The following RNF19A variants were observed in gnomAD, a reference collection of about 807,000 sequenced individuals.
The protein encoded by RNF19A is E3 ubiquitin-protein ligase RNF19A.
Under a neutral mutation model 75.7 loss-of-function variants are expected in RNF19A, and 32 were observed. The ratio of observed to expected loss-of-function variants is 0.42; its 90% CI spans 0.32 to 0.57. The LOEUF (loss-of-function observed/expected upper bound fraction) is 0.57, where lower values mean the gene tolerates loss of function less well. Ranked by LOEUF, RNF19A falls within the 20% of genes least tolerant of loss-of-function variation. The pLI is 0.10. For missense variants in RNF19A, 782 were observed against 1,036.3 expected, an observed-to-expected ratio of 0.75 and a Z score of 3.37; for synonymous variants, 335 against 345.2, an observed-to-expected ratio of 0.97 and a Z score of 0.33.
At chr8:100,305,256 G>A (rs866004209) in intron 1 of RNF19A, among the ~76,000 whole-genome samples, 6 of 152,144 alleles carry the variant, frequency 3.9e-5, no homozygotes, top group Non-Finnish European at 7.4e-5. Flanking sequence ...CATTTTGTGC[G>A]GAGATGTAAA....
At position 100,288,283 on chromosome 8, in the gene RNF19A, TAAA is replaced by T. The variant is rs769819408; in HGVS notation, c.-93-19_-93-17del. 37 of 1,315,036 alleles carry T rather than the reference TAAA, an allele frequency of 2.8e-5. No individual in the cohort carries two copies. The African/African-American group carries it at 5.2e-4, about 19-fold the overall frequency. The allele number at this position is 1,315,036 out of a possible 1,614,324, so 81.5% of individuals were successfully genotyped here. ...CATGGATGTTCTGAAAAATAAAAAATAAAAAAATCAAGATCATTTAATTGTATT... is the reference window on the plus strand; with the variant it reads ...CATGGATGTTCTGAAAAATAAAAAATAAAATCAAGATCATTTAATTGTATT... On this transcript the variant is annotated splice_polypyrimidine_tract_variant and intron_variant, in intron 1 of 9. Transcript: ENST00000341084.
intron 1 of RNF19A, chr8:100,309,572 G>C: frequency 3.1e-6 from 3 of 978,498 alleles, no homozygotes; most frequent in Non-Finnish European, 3.6e-6. Context: ...CAGGAGGACA[G>C]GGCTTGGGGC....
At chr8:100,273,000 G>A (rs1406837681) in intron 3 of RNF19A, among the ~76,000 whole-genome samples, 1 of 151,456 alleles carries the variant, frequency 6.6e-6, no homozygotes, top group Admixed American at 6.6e-5. Flanking sequence ...TGGCTTGCTG[G>A]GACCAGAGAT....
Position 100,264,187 on chromosome 8 carries a change from C to A in RNF19A, c.1315G>T (p.Val439Phe). 1 of 1,607,450 alleles carries A rather than the reference C, an allele frequency of 6.2e-7. No individual in the cohort carries two copies. Among genetic ancestry groups the A allele is most frequent in the Non-Finnish European group, 8.5e-7 (1 of 1,176,738 alleles). Residue 439 changes from valine (V) to phenylalanine (F), a missense_variant, in exon 7 of 10, where the codon GTT (valine) becomes TTT (phenylalanine). Val to Phe is a conservative substitution (Grantham distance 50). This residue lies in a region of RNF19A where 442 missense variants were observed against 541.6 expected (regional missense o/e 0.82). Transcript: ENST00000341084. This position sits in a 1 kb window ranked among gnomAD's most constrained non-coding sequence, Gnocchi z 4.7. ...VVAAVTVGIG[V>F]PIMLAYVYGV... Reference sequence around the variant, plus strand: ...TAGACATAAGCTAACATAATAGGAACACCGATACCTAAAGAGAAATTAAAT... The same window carrying A: ...TAGACATAAGCTAACATAATAGGAAAACCGATACCTAAAGAGAAATTAAAT...
chr8:100,310,301 A>C (rs1302218286), upstream of RNF19A: 3 of 957,874 alleles, frequency 3.1e-6, no homozygotes, highest in Non-Finnish European at 3.7e-6. Flanking sequence ...GCCCCGCTGC[A>C]CCCGGGTGGC....
intron 2 of RNF19A, among the ~76,000 whole-genome samples, chr8:100,281,104 T>G (rs1820763021): frequency 6.6e-6 from 1 of 152,206 alleles, no homozygotes; most frequent in Non-Finnish European, 1.5e-5. Context: ...CATTATTTAA[T>G]TCAAGCCTTA....
intron 1 of RNF19A, among the ~76,000 whole-genome samples, chr8:100,294,558 T>G (rs1821459815): frequency 6.6e-6 from 1 of 152,128 alleles, no homozygotes; most frequent in Admixed American, 6.6e-5. Flanking sequence ...CTGCGATTTA[T>G]CCTATTTCTG....
chr8:100,289,044 T>G (rs1329685302), intron 1 of RNF19A, among the ~76,000 whole-genome samples: 2 of 131,982 alleles, frequency 1.5e-5, no homozygotes, highest in Admixed American at 8.3e-5. Flanking sequence ...TGAGCAACAG[T>G]GCGAGACTCC....
At chr8:100,297,503 A>G (rs575737386) in intron 1 of RNF19A, among the ~76,000 whole-genome samples, 3 of 152,338 alleles carry the variant, frequency 2.0e-5, no homozygotes, top group Admixed American at 6.5e-5. Flanking sequence ...GTGTGGCCAC[A>G]TTATTAGTCC....
chr8:100,314,219 T>C (rs551050841), upstream of RNF19A, among the ~76,000 whole-genome samples: 1 of 152,030 alleles, frequency 6.6e-6, no homozygotes, highest in Non-Finnish European at 1.5e-5. This position sits in a 1 kb window ranked among gnomAD's most constrained non-coding sequence, Gnocchi z 4.1. Flanking sequence ...ATATATACTA[T>C]ATATAGTACA....
In RNF19A at chr8:100,264,414, GAT is replaced by G. The variant is rs1819873332; in HGVS notation, c.1307-221_1307-220del. 1.7e-6 allele frequency: 1 copy of G among 577,962 alleles called. No individual in the cohort carries two copies. Among genetic ancestry groups the G allele is most frequent in the Non-Finnish European group, 3.0e-6 (1 of 332,508 alleles). 35.8% of individuals were successfully genotyped at this position (577,962 alleles called of 1,614,324 possible). A position where few individuals can be genotyped will look rare whatever the true frequency, so the allele number is the denominator to read the frequency against. ...ATGCACATAAGGGGAAAAAGAGAGA[GAT>G]GCAAACTTTTTTCTTTTGAAGTGCC... On this transcript the variant is annotated intron_variant, in intron 6 of 9. Transcript: ENST00000341084. The surrounding 1 kb of genome is among the most constrained non-coding windows in gnomAD (Gnocchi z 4.7).
chr8:100,304,399 T>C (rs995873411), intron 1 of RNF19A, among the ~76,000 whole-genome samples: 1 of 152,222 alleles, frequency 6.6e-6, no homozygotes, highest in Non-Finnish European at 1.5e-5. Flanking sequence ...ACAGTCATTG[T>C]ACTATATACA....
At chr8:100,290,012 T>C (rs1821213311) in intron 1 of RNF19A, among the ~76,000 whole-genome samples, 1 of 151,482 alleles carries the variant, frequency 6.6e-6, no homozygotes, top group Non-Finnish European at 1.5e-5. Flanking sequence ...TACAAAAGAG[T>C]ATGTGGTATA....
Position 100,288,050 on chromosome 8 carries a change from C to T in RNF19A, c.125G>A (p.Arg42Gln), listed in dbSNP as rs201554011. 21 of 1,614,002 alleles carry T rather than the reference C, an allele frequency of 1.3e-5. No homozygotes were observed. The highest frequency in any genetic ancestry group is 4.5e-5 in the East Asian group (2 of 44,892). Reference protein sequence around the residue: ...MSLHRQMGSDRDLQSSASSVS... With the variant: ...MSLHRQMGSDQDLQSSASSVS... ...AGATGAAGCAGAGGACTGAAGATCT[C>T]GATCTGAACCCATTTGCCGATGTAA... The change falls in exon 2 of 10, where the codon CGA becomes CAA. Residue 42 changes from arginine to glutamine, a missense_variant. By Grantham distance (43) the Arg-to-Gln change is conservative. Coordinates refer to ENST00000341084, the MANE Select transcript of RNF19A (RefSeq NM_183419.4).
intron 2 of RNF19A, among the ~76,000 whole-genome samples, chr8:100,278,262 A>C (rs1341255539): frequency 2.6e-5 from 4 of 152,260 alleles, no homozygotes; most frequent in Admixed American, 2.6e-4. Context: ...CTTGTGCTTG[A>C]CTAATGACCA....
At position 100,264,520 on chromosome 8, in the gene RNF19A, A is replaced by G; in HGVS notation, c.1306+151T>C. ...ACAATTTACCAACTACTTTAAGGCT[A>G]GGCTCTTGAATCTGTAATACTTTCA... On this transcript the variant is annotated intron_variant, in intron 6 of 9. Transcript: ENST00000341084. This position sits in a 1 kb window ranked among gnomAD's most constrained non-coding sequence, Gnocchi z 4.7. 1.6e-6 allele frequency: 1 copy of G among 618,536 alleles called. No homozygotes were observed. Among genetic ancestry groups the G allele is most frequent in the Non-Finnish European group, 2.8e-6 (1 of 355,122 alleles). The allele number at this position is 618,536 out of a possible 1,614,324, so 38.3% of individuals were successfully genotyped here.
chr8:100,283,312 G>T (rs1213542269), intron 2 of RNF19A, among the ~76,000 whole-genome samples: 1 of 152,090 alleles, frequency 6.6e-6, no homozygotes, highest in Admixed American at 6.5e-5. Context: ...AAGGCAGAGG[G>T]TAATCAGATA....
intron 1 of RNF19A, among the ~76,000 whole-genome samples, chr8:100,294,696 A>T (rs1322176248): frequency 6.6e-6 from 1 of 152,084 alleles, no homozygotes; most frequent in Admixed American, 6.6e-5. Flanking sequence ...TTTAAGGAAA[A>T]CATCTTGCAG....
chr8:100,296,922 A>T lies in RNF19A; in HGVS notation c.-93-8655T>A, dbSNP rs185849970. 3.6e-3 allele frequency among the ~76,000 whole-genome samples: 547 copies of T among 152,346 alleles called. 2 individuals carry two copies. Among genetic ancestry groups the T allele is most frequent in the Non-Finnish European group, 6.1e-3 (417 of 68,022 alleles). ...AAACAAAGTCTCCGATTCATCACACAAGAATAAACATTATGTGGATAGATG... is the reference window on the plus strand; with the variant it reads ...AAACAAAGTCTCCGATTCATCACACTAGAATAAACATTATGTGGATAGATG... On this transcript the variant is annotated intron_variant, in intron 1 of 9. Coordinates refer to ENST00000341084, the MANE Select transcript of RNF19A (RefSeq NM_183419.4).
Sources: allele counts gnomAD v4.1 joint callset (sites outside exome capture counted in the v4.1 genomes callset), GRCh38; gene constraint gnomAD v4.1.1; regional missense constraint gnomAD v4.1.1; non-coding constraint Gnocchi (gnomAD v3.1); transcripts MANE v1.5; gene names NCBI Gene and HGNC (gene_info 2026-07-23, HGNC 2026-07-21).